KLF7: variants seen among roughly 807,000 people sequenced by gnomAD.
KLF7 encodes Krueppel-like factor 7.
Under a neutral mutation model 27.3 loss-of-function variants are expected in KLF7, and 2 were observed. The observed-to-expected ratio is 0.07, with a 90% confidence interval of 0.03 to 0.23. KLF7 has a LOEUF of 0.23. KLF7 is among the 10% of genes least tolerant of loss of function. The probability of loss-of-function intolerance (pLI) is 1.00; values close to 1 mark genes in which losing one functional copy is unlikely to be tolerated. For synonymous variants in KLF7, 165 were observed against 162.4 expected, an observed-to-expected ratio of 1.02 and a Z score of -0.12; for missense variants, 221 against 394.1, an observed-to-expected ratio of 0.56 and a Z score of 3.72.
upstream of KLF7, among the ~76,000 whole-genome samples, chr2:207,168,265 C>T (rs899367486): frequency 1.3e-5 from 2 of 152,144 alleles, no homozygotes; most frequent in African/African-American, 4.8e-5. Flanking sequence ...TATCGGTTAA[C>T]GTGAGTTTGA....
chr2:207,133,658 G>A (rs1458828081), intron 1 of KLF7, among the ~76,000 whole-genome samples: 1 of 152,046 alleles, frequency 6.6e-6, no homozygotes, highest in Non-Finnish European at 1.5e-5. Context: ...AATTATTCTT[G>A]GCTCCCCACC....
chr2:207,083,508 G>A (rs2076321689), intron 3 of KLF7, among the ~76,000 whole-genome samples: 2 of 152,142 alleles, frequency 1.3e-5, no homozygotes, highest in African/African-American at 4.8e-5. Context: ...AAGAGGATTT[G>A]AACACAGGCA....
intron 2 of KLF7, among the ~76,000 whole-genome samples, chr2:207,092,664 T>C (rs552952547): frequency 6.6e-6 from 1 of 152,314 alleles, no homozygotes; most frequent in South Asian, 2.1e-4. Context: ...TCTAAACCAG[T>C]GTGGCATTTT....
At chr2:207,158,746 A>G (rs1157803325) in intron 1 of KLF7, among the ~76,000 whole-genome samples, 1 of 152,258 alleles carries the variant, frequency 6.6e-6, no homozygotes, top group East Asian at 1.9e-4. Context: ...AAAATATTCG[A>G]TAACTTGTTC....
chr2:207,135,410 A>C (rs563915475), intron 1 of KLF7, among the ~76,000 whole-genome samples: 26 of 152,182 alleles, frequency 1.7e-4, no homozygotes, highest in African/African-American at 6.0e-4. Flanking sequence ...GCCCTAAGAC[A>C]CTCAATAATC....
rs905205774 is a variant in KLF7 at position 207,119,434 on chromosome 2, T to C, written c.733+4340A>G. 3.3e-4 allele frequency among the ~76,000 whole-genome samples: 49 copies of C among 150,094 alleles called. 1 individual carries two copies. The highest frequency in any genetic ancestry group is 8.8e-4 in the Admixed American group (13 of 14,774). On this transcript the variant is annotated intron_variant, in intron 2 of 3. Coordinates refer to ENST00000309446, the MANE Select transcript of KLF7 (RefSeq NM_003709.4). ...TAGAAACTATTAAGATTTTTAAAAATTGATTTTTGCTGAGAATGAGCATAG... is the reference window on the plus strand; with the variant it reads ...TAGAAACTATTAAGATTTTTAAAAACTGATTTTTGCTGAGAATGAGCATAG...
At chr2:207,126,676 G>A (rs547643148) in intron 1 of KLF7, among the ~76,000 whole-genome samples, 160 of 152,254 alleles carry the variant, frequency 1.1e-3, no homozygotes, top group Middle Eastern at 3.4e-3. Context: ...AGTGGCTTGT[G>A]CCTGTTATCC....
rs2076183184 is a variant in KLF7, at chr2:207,076,757, G to GT, written c.*4455dup. ...AGTTTTCAAACTGAGATATCACCAT[G>GT]TTCACCGAAATTTAATCCAGACACC... On this transcript the variant is annotated 3_prime_UTR_variant, in exon 4 of 4. Transcript: ENST00000309446. The GT allele has an allele frequency of 6.6e-6, 1 of 152,246 alleles. No individual in the cohort carries two copies. 9.4% of individuals were successfully genotyped at this position (152,246 alleles called of 1,614,324 possible).
In KLF7 at chr2:207,081,281, A is replaced by G; in HGVS notation, c.858-17T>C. 1 of 1,607,540 alleles carries G rather than the reference A, an allele frequency of 6.2e-7. No homozygotes were observed. The highest frequency in any genetic ancestry group is 8.5e-7 in the Non-Finnish European group (1 of 1,173,976). On this transcript the variant is annotated splice_polypyrimidine_tract_variant and intron_variant, in intron 3 of 3. Coordinates refer to ENST00000309446, the MANE Select transcript of KLF7 (RefSeq NM_003709.4). ...GAAAAACACCTAGGAGATATAAACA[A>G]CAAGGATATTAGAGAACTCCCAGCA...
At chr2:207,154,753 G>C (rs527518953) in intron 1 of KLF7, among the ~76,000 whole-genome samples, 1 of 152,268 alleles carries the variant, frequency 6.6e-6, no homozygotes, top group South Asian at 2.1e-4. Context: ...TTCTTATCAG[G>C]AATTAAGAAC....
intron 2 of KLF7, among the ~76,000 whole-genome samples, chr2:207,094,299 T>C (rs1379827802): frequency 6.6e-6 from 1 of 152,220 alleles, no homozygotes; most frequent in African/African-American, 2.4e-5. Flanking sequence ...CTAAAGAGAT[T>C]AGGATTTTGA....
intron 1 of KLF7, among the ~76,000 whole-genome samples, chr2:207,161,307 A>G (rs2078539011): frequency 6.6e-6 from 1 of 152,222 alleles, no homozygotes; most frequent in South Asian, 2.1e-4. Flanking sequence ...TGTTTCAAAT[A>G]AAGAAACAGA....
intron 2 of KLF7, among the ~76,000 whole-genome samples, chr2:207,099,643 C>T (rs55986154): frequency 0.19 from 26,296 of 137,422 alleles, 3,060 homozygotes; most frequent in East Asian, 0.52. Flanking sequence ...CACCTAAGAT[C>T]TGCTTCTGGA....
intron 1 of KLF7, among the ~76,000 whole-genome samples, chr2:207,164,987 C>T (rs922795318): frequency 6.6e-6 from 1 of 151,964 alleles, no homozygotes; most frequent in Non-Finnish European, 1.5e-5. Context: ...CTCCGCTTTG[C>T]TCCTGCCCAC....
intron 2 of KLF7, among the ~76,000 whole-genome samples, chr2:207,112,177 T>C (rs1250682663): frequency 1.3e-5 from 2 of 150,362 alleles, no homozygotes; most frequent in African/African-American, 5.0e-5. Context: ...GCAAATGCTT[T>C]TGAGTGATTA....
intron 1 of KLF7, among the ~76,000 whole-genome samples, chr2:207,134,931 GCA>G (rs2077743750): frequency 6.6e-6 from 1 of 152,224 alleles, no homozygotes; most frequent in Non-Finnish European, 1.5e-5. Flanking sequence ...GGCTGGGCAT[GCA>G]CACTCTGTAT....
intron 2 of KLF7, among the ~76,000 whole-genome samples, chr2:207,097,445 A>T (rs906529429): frequency 2.0e-5 from 3 of 152,182 alleles, no homozygotes; most frequent in Non-Finnish European, 4.4e-5. Flanking sequence ...AGGAAGCCAG[A>T]GAGAGATGTG....
intron 2 of KLF7, among the ~76,000 whole-genome samples, chr2:207,091,974 A>C (rs1376763589): frequency 6.6e-6 from 1 of 151,682 alleles, no homozygotes; most frequent in Non-Finnish European, 1.5e-5. Context: ...TAAAAGAAAA[A>C]AAGAAAGGCT....
chr2:207,117,791 TA>T (rs1358354996), intron 2 of KLF7, among the ~76,000 whole-genome samples: 10 of 152,202 alleles, frequency 6.6e-5, no homozygotes, highest in African/African-American at 2.4e-4. Context: ...ACAGCATCAA[TA>T]AACACTCTGT....
Sources: gnomAD v4.1 joint callset for allele counts (sites outside exome capture counted in the v4.1 genomes callset) on GRCh38, gnomAD v4.1.1 for gene constraint, MANE v1.5 for transcripts, NCBI Gene and HGNC (gene_info 2026-07-23, HGNC 2026-07-21) for gene names.